SLC24A2: variants seen among roughly 807,000 people sequenced by gnomAD.
SLC24A2 encodes the protein sodium/potassium/calcium exchanger 2.
Under a neutral mutation model 62.0 loss-of-function variants are expected in SLC24A2, and 36 were observed. The observed-to-expected ratio is 0.58, with a 90% CI of 0.44 to 0.77. The LOEUF (loss-of-function observed/expected upper bound fraction) is 0.77, where lower values mean the gene tolerates loss of function less well. Among genes scored for constraint, SLC24A2 ranks in the 30% least tolerant of loss-of-function variants. SLC24A2 has a pLI of 0.00. For synonymous variants in SLC24A2, 358 were observed against 294.0 expected, an observed-to-expected ratio of 1.22 and a Z score of -2.23; for missense variants, 846 against 817.9, an observed-to-expected ratio of 1.03 and a Z score of -0.42.
chr9:19,960,646 G>A, the SLC24A2 span, among the ~76,000 whole-genome samples: 1 of 152,196 alleles, frequency 6.6e-6, no homozygotes, highest in Non-Finnish European at 1.5e-5. Flanking sequence ...CTAGTACTTA[G>A]TGTGTCCCAC....
upstream of SLC24A2, among the ~76,000 whole-genome samples, chr9:19,793,294 G>C (rs559045834): frequency 6.6e-6 from 1 of 152,218 alleles, no homozygotes; most frequent in Non-Finnish European, 1.5e-5. Context: ...CCCCAAGCTG[G>C]TCACTATCTA....
chr9:19,947,906 T>C, the SLC24A2 span, among the ~76,000 whole-genome samples: 3 of 152,162 alleles, frequency 2.0e-5, no homozygotes, highest in Admixed American at 1.3e-4. Context: ...GAGCAACCCA[T>C]TGTAGAAAGC....
At chr9:19,995,986 A>C in the SLC24A2 span, among the ~76,000 whole-genome samples, 2 of 152,238 alleles carry the variant, frequency 1.3e-5, no homozygotes, top group African/African-American at 4.8e-5. Context: ...GAAGGTTGGA[A>C]GAGAACCACT....
At chr9:19,877,663 T>A in the SLC24A2 span, among the ~76,000 whole-genome samples, 2 of 151,614 alleles carry the variant, frequency 1.3e-5, no homozygotes, top group Non-Finnish European at 2.9e-5. Flanking sequence ...AAGATAGAAC[T>A]GTGGCAGATG....
the SLC24A2 span, among the ~76,000 whole-genome samples, chr9:20,014,964 G>T: frequency 6.6e-6 from 1 of 152,046 alleles, no homozygotes; most frequent in East Asian, 1.9e-4. Flanking sequence ...CATTGTATAC[G>T]TTTACCAAAA....
the SLC24A2 span, among the ~76,000 whole-genome samples, chr9:20,199,956 C>G: frequency 6.7e-6 from 1 of 149,276 alleles, no homozygotes; most frequent in Non-Finnish European, 1.5e-5. Flanking sequence ...GTCTTGAACT[C>G]CTGACCTCAG....
chr9:19,853,827 G>A, the SLC24A2 span, among the ~76,000 whole-genome samples: 1 of 152,224 alleles, frequency 6.6e-6, no homozygotes, highest in South Asian at 2.1e-4. Context: ...CATAAAATGA[G>A]TTACGGAGGA....
chr9:19,556,308 T>C (rs1483082954), intron 7 of SLC24A2, among the ~76,000 whole-genome samples: 1 of 152,228 alleles, frequency 6.6e-6, no homozygotes, highest in East Asian at 1.9e-4. Flanking sequence ...TGGAGAAGCC[T>C]GAGTTGGATT....
the SLC24A2 span, among the ~76,000 whole-genome samples, chr9:19,919,148 G>A: frequency 1.3e-5 from 2 of 152,194 alleles, no homozygotes; most frequent in African/African-American, 4.8e-5. Flanking sequence ...TCGGGGAAAT[G>A]ACTTCCGAGG....
chr9:19,968,284 C>T, the SLC24A2 span, among the ~76,000 whole-genome samples: 1 of 152,188 alleles, frequency 6.6e-6, no homozygotes, highest in South Asian at 2.1e-4. Context: ...TAATTTGACT[C>T]TGAAACACAG....
At chr9:19,603,385 T>C (rs1469035730) in intron 4 of SLC24A2, among the ~76,000 whole-genome samples, 1 of 152,196 alleles carries the variant, frequency 6.6e-6, no homozygotes, top group Non-Finnish European at 1.5e-5. Context: ...ATTATCTTCC[T>C]CTGCTTTTTT....
At chr9:19,544,334 T>G (rs543285161) in intron 8 of SLC24A2, among the ~76,000 whole-genome samples, 2 of 151,732 alleles carry the variant, frequency 1.3e-5, no homozygotes, top group Non-Finnish European at 2.9e-5. Context: ...TCTTTGCATG[T>G]GAGGTGGGTC....
intron 2 of SLC24A2, among the ~76,000 whole-genome samples, chr9:19,749,949 G>C (rs1326454592): frequency 6.6e-6 from 1 of 152,162 alleles, no homozygotes; most frequent in Non-Finnish European, 1.5e-5. Flanking sequence ...CACCCGTTGT[G>C]ATCAAGTCCA....
chr9:19,909,705 C>G, the SLC24A2 span, among the ~76,000 whole-genome samples: 3 of 152,058 alleles, frequency 2.0e-5, no homozygotes, highest in Admixed American at 1.3e-4. Flanking sequence ...GGGAGGGCAT[C>G]TTCACAAAGG....
chr9:20,077,497 G>T, the SLC24A2 span, among the ~76,000 whole-genome samples: 1 of 152,096 alleles, frequency 6.6e-6, no homozygotes, highest in Non-Finnish European at 1.5e-5. Flanking sequence ...CTACCTCACA[G>T]TCGGCGCTCT....
the SLC24A2 span, chr9:19,968,041 G>T: frequency 6.6e-6 from 1 of 152,186 alleles, no homozygotes; most frequent in Non-Finnish European, 1.5e-5. Flanking sequence ...CATTGGGTAA[G>T]TTGCTTACTC....
the SLC24A2 span, among the ~76,000 whole-genome samples, chr9:20,078,573 C>G: frequency 1.3e-5 from 2 of 152,178 alleles, no homozygotes; most frequent in African/African-American, 4.8e-5. Context: ...AAAGCCACAA[C>G]AATCCCACCC....
At chr9:19,861,946 C>T in the SLC24A2 span, among the ~76,000 whole-genome samples, 1 of 152,026 alleles carries the variant, frequency 6.6e-6, no homozygotes, top group South Asian at 2.1e-4. Context: ...TCTACGGGAT[C>T]TAGAGAATAG....
At chr9:19,517,429 G>A (rs1340039127) in intron 10 of SLC24A2, among the ~76,000 whole-genome samples, 1 of 152,204 alleles carries the variant, frequency 6.6e-6, no homozygotes, top group Non-Finnish European at 1.5e-5. Context: ...ATTCTTCAAA[G>A]GAAGAGAGAA....
Sources: allele counts gnomAD v4.1 joint callset (sites outside exome capture counted in the v4.1 genomes callset), GRCh38; gene constraint gnomAD v4.1.1; transcripts MANE v1.5; gene names NCBI Gene and HGNC (gene_info 2026-07-23, HGNC 2026-07-21).